The following PLPP1 variants were observed in gnomAD, a reference collection of about 807,000 sequenced individuals.
PLPP1 encodes the protein lipid phosphate phosphohydrolase 1a.
In PLPP1, 24 loss-of-function variants were observed where a neutral mutation model predicts 31.2. The ratio of observed to expected loss-of-function variants is 0.77; its 90% CI spans 0.56 to 1.08. PLPP1 has a LOEUF of 1.08. PLPP1 is among the 50% of genes least tolerant of loss of function. The pLI, the probability that PLPP1 is intolerant of heterozygous loss-of-function variation, is 0.00. For missense variants in PLPP1, 319 were observed against 342.7 expected (o/e 0.93, Z 0.55); for synonymous variants, 146 against 126.3 (o/e 1.16, Z -1.05).
intron 1 of PLPP1, among the ~76,000 whole-genome samples, chr5:55,512,731 C>A (rs535327319): frequency 6.6e-6 from 1 of 151,942 alleles, no homozygotes; most frequent in East Asian, 1.9e-4. Flanking sequence ...ACTACACACA[C>A]ACACACACAC....
chr5:55,469,422 G>T (rs1752373413), intron 2 of PLPP1, among the ~76,000 whole-genome samples: 1 of 151,640 alleles, frequency 6.6e-6, no homozygotes, highest in South Asian at 2.1e-4. Context: ...CCCAGGAAGT[G>T]GTGGTTGCAG....
chr5:55,462,904 C>T lies in PLPP1; in HGVS notation c.491+4965G>A, dbSNP rs549079562. On this transcript the variant is annotated intron_variant, in intron 3 of 5. Coordinates refer to ENST00000307259, the MANE Select transcript of PLPP1 (RefSeq NM_003711.4). ...AGGAGAATGGCGTGAACCCGGGAGGCGAAGCTTGCAGAGAGCCAAGATCGT... is the reference window on the plus strand; with the variant it reads ...AGGAGAATGGCGTGAACCCGGGAGGTGAAGCTTGCAGAGAGCCAAGATCGT... 2.1e-3 allele frequency among the ~76,000 whole-genome samples: 311 copies of T among 151,554 alleles called. 1 individual carries two copies. The highest frequency in any genetic ancestry group is 6.8e-3 in the Middle Eastern group (2 of 294).
At chr5:55,461,992 T>C (rs538060881) in intron 3 of PLPP1, among the ~76,000 whole-genome samples, 1 of 151,416 alleles carries the variant, frequency 6.6e-6, no homozygotes, top group South Asian at 2.1e-4. Flanking sequence ...ACAAAACGTA[T>C]GCAAGACCCA....
intron 3 of PLPP1, among the ~76,000 whole-genome samples, chr5:55,462,392 TG>T (rs1414317098): frequency 2.6e-5 from 4 of 152,206 alleles, no homozygotes; most frequent in East Asian, 1.9e-4. Context: ...AATGTGAAAA[TG>T]TTTTTTTTCG....
At chr5:55,511,168 A>G (rs890901935) in intron 1 of PLPP1, among the ~76,000 whole-genome samples, 1 of 152,236 alleles carries the variant, frequency 6.6e-6, no homozygotes, top group Admixed American at 6.5e-5. Flanking sequence ...TTGAAGAATA[A>G]TCTGTCCACC....
chr5:55,528,568 T>C (rs1740553421), intron 1 of PLPP1, among the ~76,000 whole-genome samples: 1 of 152,238 alleles, frequency 6.6e-6, no homozygotes, highest in African/African-American at 2.4e-5. Context: ...GGCAGCCTAA[T>C]GCCATAGTGG....
chr5:55,444,246 A>G (rs1369212619), intron 3 of PLPP1, among the ~76,000 whole-genome samples: 1 of 151,932 alleles, frequency 6.6e-6, no homozygotes, highest in East Asian at 1.9e-4. Context: ...TGTGCCAGCT[A>G]ATGTTTGTAT....
intron 1 of PLPP1, among the ~76,000 whole-genome samples, chr5:55,522,551 T>C (rs938777063): frequency 7.9e-5 from 12 of 151,772 alleles, no homozygotes; most frequent in African/African-American, 2.7e-4. Context: ...TATAAGCCAC[T>C]GCTCCCAACT....
At chr5:55,529,640 C>T (rs1740586181) in intron 1 of PLPP1, among the ~76,000 whole-genome samples, 2 of 151,984 alleles carry the variant, frequency 1.3e-5, no homozygotes, top group South Asian at 2.1e-4. Flanking sequence ...TATATAAATA[C>T]GATTTTCTTA....
At position 55,522,547 on chromosome 5, in the gene PLPP1, C is replaced by T. The variant is rs547290480; in HGVS notation, c.58+12025G>A. 1.9e-3 allele frequency among the ~76,000 whole-genome samples: 283 copies of T among 152,278 alleles called. 1 individual carries two copies. Among genetic ancestry groups the T allele is most frequent in the Non-Finnish European group, 1.5e-3 (103 of 68,016 alleles). Reference sequence around the variant, plus strand: ...AATGTGCTGGGATTACAGGTATAAGCCACTGCTCCCAACTTTAAAGTGCCT... The same window carrying T: ...AATGTGCTGGGATTACAGGTATAAGTCACTGCTCCCAACTTTAAAGTGCCT... On this transcript the variant is annotated intron_variant, in intron 1 of 5. Transcript: ENST00000307259.
chr5:55,449,184 C>T (rs1228674726), intron 3 of PLPP1, among the ~76,000 whole-genome samples: 1 of 152,128 alleles, frequency 6.6e-6, no homozygotes, highest in Non-Finnish European at 1.5e-5. Flanking sequence ...ATTTAATCCA[C>T]ACAAACTATA....
chr5:55,446,467 A>G (rs1288412081), intron 3 of PLPP1, among the ~76,000 whole-genome samples: 1 of 152,062 alleles, frequency 6.6e-6, no homozygotes, highest in African/African-American at 2.4e-5. Context: ...ATCTCCTCTT[A>G]TTTTAGTCTA....
At chr5:55,523,820 C>T (rs911509528) in intron 1 of PLPP1, among the ~76,000 whole-genome samples, 2 of 152,176 alleles carry the variant, frequency 1.3e-5, no homozygotes, top group Admixed American at 6.5e-5. Flanking sequence ...TCATTTTGTT[C>T]CTTAAATCTC....
chr5:55,528,171 A>C (rs1740538718), intron 1 of PLPP1, among the ~76,000 whole-genome samples: 2 of 152,130 alleles, frequency 1.3e-5, no homozygotes, highest in Non-Finnish European at 2.9e-5. Flanking sequence ...AGTCATAAAC[A>C]TTGGTACTTA....
chr5:55,456,044 T>C (rs1320100468), intron 3 of PLPP1, among the ~76,000 whole-genome samples: 3 of 152,206 alleles, frequency 2.0e-5, no homozygotes, highest in African/African-American at 7.2e-5. Flanking sequence ...GGTATTCTCA[T>C]TGGCATTAAT....
At chr5:55,530,793 G>A in intron 1 of PLPP1, 3 of 1,494,056 alleles carry the variant, frequency 2.0e-6, no homozygotes, top group East Asian at 4.5e-5. Flanking sequence ...CGTGCTGACA[G>A]GGCGCGGTCC....
At chr5:55,530,482 T>A (rs545234539) in intron 1 of PLPP1, 4 of 1,221,172 alleles carry the variant, frequency 3.3e-6, no homozygotes, top group Non-Finnish European at 4.9e-6. Flanking sequence ...TTATCAGATG[T>A]GGATGTTTCA....
At chr5:55,430,656 C>T (rs531293436) in intron 4 of PLPP1, among the ~76,000 whole-genome samples, 36 of 152,094 alleles carry the variant, frequency 2.4e-4, no homozygotes, top group Middle Eastern at 6.8e-3. Context: ...GTACAGATAC[C>T]GAAATACGGA....
chr5:55,438,982 T>C (rs183129143), intron 4 of PLPP1, among the ~76,000 whole-genome samples: 112 of 151,968 alleles, frequency 7.4e-4, no homozygotes, highest in African/African-American at 2.6e-3. Flanking sequence ...GGGGCCTACA[T>C]CCACATCAAG....
Sources: gnomAD v4.1 joint callset for allele counts (sites outside exome capture counted in the v4.1 genomes callset) on GRCh38, gnomAD v4.1.1 for gene constraint, MANE v1.5 for transcripts, NCBI Gene and HGNC (gene_info 2026-07-23, HGNC 2026-07-21) for gene names.